DNAAF11: variants seen among roughly 807,000 people sequenced by gnomAD.
The protein encoded by DNAAF11 is dynein axonemal assembly factor 11, also known as leucine rich repeat containing 6.
In DNAAF11, 45 loss-of-function variants were observed where a neutral mutation model predicts 60.8. That is an observed-to-expected ratio of 0.74 (90% CI 0.58 to 0.95). The LOEUF (loss-of-function observed/expected upper bound fraction) is 0.95, where lower values mean the gene tolerates loss of function less well. DNAAF11 is among the 40% of genes least tolerant of loss of function. The probability of loss-of-function intolerance (pLI) is 0.00; values close to 1 mark genes in which losing one functional copy is unlikely to be tolerated. For synonymous variants in DNAAF11, 191 were observed against 183.5 expected (o/e 1.04, Z -0.33); for missense variants, 546 against 546.2 (o/e 1.00, Z 0.00).
intron 1 of DNAAF11, among the ~76,000 whole-genome samples, chr8:132,674,901 A>G (rs918670246): frequency 1.3e-5 from 2 of 152,234 alleles, no homozygotes; most frequent in Non-Finnish European, 2.9e-5. Flanking sequence ...ACAAACAAAC[A>G]AAAACACGTT....
intron 5 of DNAAF11, among the ~76,000 whole-genome samples, chr8:132,631,362 T>C (rs1262404399): frequency 1.3e-5 from 2 of 152,228 alleles, no homozygotes; most frequent in East Asian, 3.8e-4. Flanking sequence ...ACACTGGTCA[T>C]TAACTACTTT....
chr8:132,606,209 A>T (rs576183004), intron 10 of DNAAF11, among the ~76,000 whole-genome samples: 78 of 152,318 alleles, frequency 5.1e-4, no homozygotes, highest in African/African-American at 1.8e-3. Flanking sequence ...AATTATGTCC[A>T]GTACATAATA....
intron 3 of DNAAF11, among the ~76,000 whole-genome samples, chr8:132,651,527 G>C (rs1026292867): frequency 6.6e-5 from 10 of 152,090 alleles, no homozygotes; most frequent in Admixed American, 2.0e-4. Context: ...CAGTTCATCC[G>C]TGTTAAAGCT....
the DNAAF11 span, among the ~76,000 whole-genome samples, chr8:132,700,376 A>G: frequency 6.6e-6 from 1 of 152,018 alleles, no homozygotes; most frequent in African/African-American, 2.4e-5. Context: ...CTGGGAGAAA[A>G]AGAGTCTGAT....
chr8:132,675,265 A>G (rs1825678938), intron 1 of DNAAF11: 1 of 484,802 alleles, frequency 2.1e-6, no homozygotes, highest in Non-Finnish European at 3.8e-6. Flanking sequence ...CATTTTACAG[A>G]TTAGGAACCT....
chr8:132,637,145 G>A (rs1821384931), intron 4 of DNAAF11, among the ~76,000 whole-genome samples: 1 of 152,106 alleles, frequency 6.6e-6, no homozygotes, highest in African/African-American at 2.4e-5. Flanking sequence ...AGTAACATAC[G>A]CAGTAGTGGT....
the DNAAF11 span, among the ~76,000 whole-genome samples, chr8:132,682,385 T>C: frequency 6.6e-6 from 1 of 152,184 alleles, no homozygotes; most frequent in African/African-American, 2.4e-5. Flanking sequence ...TGATGCTGTC[T>C]TGGACTCTCT....
intron 10 of DNAAF11, among the ~76,000 whole-genome samples, chr8:132,584,976 G>C (rs916393306): frequency 1.2e-4 from 18 of 152,144 alleles, no homozygotes; most frequent in African/African-American, 4.1e-4. Context: ...TCCTATCTAA[G>C]CTTTACTAGA....
intron 10 of DNAAF11, 125 bp from the exon 11 acceptor site, chr8:132,583,904 A>C (rs1815608444): frequency 2.9e-6 from 2 of 678,056 alleles, no homozygotes; most frequent in Admixed American, 2.4e-5. Context: ...ATTCCATGAA[A>C]GACTCAAACT....
chr8:132,573,290 T>G (rs981867041), intron 11 of DNAAF11, among the ~76,000 whole-genome samples: 2 of 152,216 alleles, frequency 1.3e-5, no homozygotes, highest in Non-Finnish European at 2.9e-5. Context: ...CACCGTTCAT[T>G]CAAATGTTCA....
At chr8:132,676,474 C>T (rs893699176), upstream of DNAAF11, among the ~76,000 whole-genome samples, 1 of 152,178 alleles carries the variant, frequency 6.6e-6, no homozygotes, top group African/African-American at 2.4e-5. Context: ...AAACCTTCTC[C>T]CATCCCAGTC....
the DNAAF11 span, among the ~76,000 whole-genome samples, chr8:132,685,783 G>T: frequency 6.6e-6 from 1 of 152,100 alleles, no homozygotes; most frequent in Admixed American, 6.6e-5. Flanking sequence ...TTCCACCTGC[G>T]CTGTATCTCA....
rs1586655882 is a variant in DNAAF11 at position 132,638,088 on chromosome 8, T to G, written c.276A>C (p.Lys92Asn). The change falls in exon 4 of 12, where the codon AAA becomes AAC. Residue 92 changes from lysine to asparagine, a missense_variant. Lys to Asn is a moderately conservative substitution (Grantham distance 94, BLOSUM62 0). Transcript: ENST00000620350. ...CAATGAAATTCACAGTCAGGTCAAG[T>G]TTTGCCAGCTCTTCACATCCTGTTG... ...ENLEGCEELA[K>N]LDLTVNFIGE... is the part of the protein sequence containing the mutation. The G allele has an allele frequency of 6.2e-7, 1 of 1,613,866 alleles. No homozygotes were observed.
Position 132,637,969 on chromosome 8 carries a change from C to T in DNAAF11, c.395G>A (p.Arg132Lys), listed in dbSNP as rs1478805071. ...GNPCASFDHYREFVVATLPQL... is the reference protein window; with the variant it reads ...GNPCASFDHYKEFVVATLPQL... ...TGGAAGAGTTGCTACCACGAACTCC[C>T]TATAGTGGTCAAAGGAAGCACATGG... is the stretch of plus-strand genomic sequence containing the variant. Residue 132 changes from arginine to lysine, a missense_variant, in exon 4 of 12, where the codon AGG becomes AAG. Transcript: ENST00000620350. The T allele has an allele frequency of 1.2e-6, 2 of 1,613,970 alleles. No homozygotes were observed. The highest frequency in any genetic ancestry group is 1.1e-5 in the South Asian group (1 of 91,058).
chr8:132,696,020 G>A, the DNAAF11 span, among the ~76,000 whole-genome samples: 1 of 152,180 alleles, frequency 6.6e-6, no homozygotes, highest in Admixed American at 6.5e-5. Flanking sequence ...GATGGTGATG[G>A]TTAAAAGTGG....
At position 132,632,958 on chromosome 8, in the gene DNAAF11, C is replaced by T. The variant is rs1349806506; in HGVS notation, c.435G>A (p.Leu145=). 1.9e-6 allele frequency: 3 copies of T among 1,607,192 alleles called. No homozygotes were observed. Among genetic ancestry groups the T allele is most frequent in the South Asian group, 1.1e-5 (1 of 90,850 alleles). Reference sequence around the variant, plus strand: ...CTGAAGGCTCTATTTCTTTACCATCCAACCACTTAAAGAAAAACAATAAAT... The same window carrying T: ...CTGAAGGCTCTATTTCTTTACCATCTAACCACTTAAAGAAAAACAATAAAT... The part of the protein sequence containing the change: ...VVATLPQLKW[L]DGKEIEPSER... The change falls in exon 5 of 12, where the codon TTG becomes TTA. Residue 145 remains leucine, a synonymous_variant. Transcript: ENST00000620350.
rs2130328020 is a variant in DNAAF11 at position 132,625,465 on chromosome 8, C to CT, written c.654-12_654-11insA. The CT allele has an allele frequency of 6.3e-7, 1 of 1,584,518 alleles. No individual in the cohort carries two copies. The highest frequency in any genetic ancestry group is 2.2e-5 in the East Asian group (1 of 44,460). On this transcript the variant is annotated splice_polypyrimidine_tract_variant and intron_variant, in intron 5 of 11. Transcript: ENST00000620350. Reference sequence around the variant, plus strand: ...CTCTCTAAAGAGGAACTAGGAAAAACAAATAGAGCACTTAAAAACAATAAT... The same window carrying CT: ...CTCTCTAAAGAGGAACTAGGAAAAACTAAATAGAGCACTTAAAAACAATAAT...
chr8:132,605,515 T>C (rs193063704), intron 10 of DNAAF11, among the ~76,000 whole-genome samples: 14 of 152,298 alleles, frequency 9.2e-5, no homozygotes, highest in Non-Finnish European at 1.5e-5. Flanking sequence ...CAAAAATTTA[T>C]TGAAGACCTA....
chr8:132,622,316 G>C (rs555551019), intron 7 of DNAAF11, among the ~76,000 whole-genome samples: 1 of 152,276 alleles, frequency 6.6e-6, no homozygotes, highest in South Asian at 2.1e-4. Flanking sequence ...TAATGTGATG[G>C]CAATTTTCAG....
Sources: gnomAD v4.1 joint callset for allele counts (sites outside exome capture counted in the v4.1 genomes callset) on GRCh38, gnomAD v4.1.1 for gene constraint, MANE v1.5 for transcripts, NCBI Gene and HGNC (gene_info 2026-07-23, HGNC 2026-07-21) for gene names.